Variants in PCDHGB6 observed in about 807,000 individuals in gnomAD.
PCDHGB6 encodes protocadherin gamma-B6.
In PCDHGB6, 51 loss-of-function variants were observed where a neutral mutation model predicts 59.1. That is an observed-to-expected ratio of 0.86 (90% CI 0.69 to 1.09). PCDHGB6 has a LOEUF of 1.09. PCDHGB6 is among the 50% of genes least tolerant of loss of function. The probability of loss-of-function intolerance (pLI) is 0.00; values close to 1 mark genes in which losing one functional copy is unlikely to be tolerated. For synonymous variants in PCDHGB6, 466 were observed against 495.1 expected, an observed-to-expected ratio of 0.94 and a Z score of 0.78; for missense variants, 1,148 against 1,205.1, an observed-to-expected ratio of 0.95 and a Z score of 0.70.
At chr5:141,478,322 C>G (rs1360535508) in intron 1 of PCDHGB6, 28 of 1,613,976 alleles carry the variant, frequency 1.7e-5, no homozygotes, top group Non-Finnish European at 2.3e-5. Context: ...CTCACTGTAC[C>G]GAACACCAGG....
intron 1 of PCDHGB6, among the ~76,000 whole-genome samples, chr5:141,494,135 GTCAC>G (rs1365926534): frequency 3.3e-5 from 5 of 152,202 alleles, no homozygotes; most frequent in Admixed American, 6.5e-5. Flanking sequence ...CTTCTCCTTA[GTCAC>G]AGACCATTGT....
At position 141,409,734 on chromosome 5, in the gene PCDHGB6, G is replaced by C. The variant is rs1278458472; in HGVS notation, c.1532G>C (p.Ser511Thr). The C allele has an allele frequency of 1.2e-6, 2 of 1,613,144 alleles. No homozygotes were observed. Among genetic ancestry groups the C allele is most frequent in the Admixed American group, 3.3e-5 (2 of 60,020 alleles). The part of the protein sequence containing the change: ...VSSYVSVSAQ[S>T]GVVFAQRAFD... The stretch of plus-strand genomic sequence containing the variant: ...TCATACGTGTCAGTGAGCGCGCAGA[G>C]CGGGGTGGTGTTCGCGCAGCGCGCC... The change falls in exon 1 of 4, where the codon AGC (serine) becomes ACC (threonine). Residue 511 changes from serine to threonine, a missense_variant. This residue lies in a region of PCDHGB6 where 549 missense variants were observed against 527.5 expected (regional missense o/e 1.04). Transcript: ENST00000520790.
In PCDHGB6 at chr5:141,476,875, C is replaced by T; in HGVS notation, c.2419-17932C>T. On this transcript the variant is annotated intron_variant, in intron 1 of 3. Coordinates refer to ENST00000520790, the MANE Select transcript of PCDHGB6 (RefSeq NM_018926.3). The surrounding 1 kb of genome is among the most constrained non-coding windows in gnomAD (Gnocchi z 7.6). ...ACCAGTCCTTGTACCGGGCGCGCGT[C>T]CTGGAGGATGCACCCTCCGGCACGC... 2 of 1,613,928 alleles carry T rather than the reference C, an allele frequency of 1.2e-6. No homozygotes were observed. Among genetic ancestry groups the T allele is most frequent in the Non-Finnish European group, 1.7e-6 (2 of 1,180,044 alleles).
At chr5:141,488,189 T>G (rs574621860) in intron 1 of PCDHGB6, among the ~76,000 whole-genome samples, 2 of 152,316 alleles carry the variant, frequency 1.3e-5, no homozygotes, top group Non-Finnish European at 2.9e-5. Context: ...TCTTTTGGTC[T>G]GGGTCTTAGG....
In PCDHGB6 at chr5:141,489,180, CTGGGTCTACCT is replaced by C. The variant is rs906371381; in HGVS notation, c.2419-5623_2419-5613del. 6.3e-5 allele frequency: 79 copies of C among 1,259,748 alleles called. No individual in the cohort carries two copies. The African/African-American group carries it at 9.3e-4, about 15-fold the overall frequency. 78.0% of individuals were successfully genotyped at this position (1,259,748 alleles called of 1,614,324 possible). ...GACTTCAGCTGCTGCATTCCAAGCCCTGGGTCTACCTTGGAGACAGGACAGCACAGACTTAC... is the reference window on the plus strand; with the variant it reads ...GACTTCAGCTGCTGCATTCCAAGCCCTGGAGACAGGACAGCACAGACTTAC... On this transcript the variant is annotated intron_variant, in intron 1 of 3. Coordinates refer to ENST00000520790, the MANE Select transcript of PCDHGB6 (RefSeq NM_018926.3). This position sits in a 1 kb window ranked among gnomAD's most constrained non-coding sequence, Gnocchi z 4.5.
At chr5:141,501,016 G>A (rs1042009106) in intron 2 of PCDHGB6, among the ~76,000 whole-genome samples, 7 of 151,716 alleles carry the variant, frequency 4.6e-5, no homozygotes, top group Non-Finnish European at 1.0e-4. Context: ...CTACAGGCAC[G>A]CGCCACCACG....
At chr5:141,508,244 C>A (rs1278674173) in intron 3 of PCDHGB6, 1 of 152,314 alleles carries the variant, frequency 6.6e-6, no homozygotes, top group Non-Finnish European at 1.5e-5. Context: ...CTAAGTCTGC[C>A]TCTCCTGGGA....
chr5:141,422,556 G>T, intron 1 of PCDHGB6: 1 of 1,613,908 alleles, frequency 6.2e-7, no homozygotes, highest in South Asian at 1.1e-5. Context: ...GGCTGAATGT[G>T]GCAGATGACA....
Position 141,477,598 on chromosome 5 carries a change from C to A in PCDHGB6, c.2419-17209C>A. The A allele has an allele frequency of 6.2e-7, 1 of 1,614,180 alleles. No homozygotes were observed. The highest frequency in any genetic ancestry group is 8.5e-7 in the Non-Finnish European group (1 of 1,180,030). ...CCCCGCAGAATGCTCGGCTTTCTTT[C>A]TTTCTCTTGGAGCAAGGAGCTGAAA... On this transcript the variant is annotated intron_variant, in intron 1 of 3. Transcript: ENST00000520790. This position sits in a 1 kb window ranked among gnomAD's most constrained non-coding sequence, Gnocchi z 4.9.
At chr5:141,479,685 G>A (rs749895405) in intron 1 of PCDHGB6, 3 of 152,248 alleles carry the variant, frequency 2.0e-5, no homozygotes, top group Non-Finnish European at 4.4e-5. Flanking sequence ...AGTCTTTTTG[G>A]TGCCTCCAGT....
At chr5:141,497,540 C>T (rs866982821) in intron 2 of PCDHGB6, among the ~76,000 whole-genome samples, 5 of 134,944 alleles carry the variant, frequency 3.7e-5, no homozygotes, top group African/African-American at 1.1e-4. Context: ...TGCAACAAAC[C>T]TTTTTTTTTT....
At chr5:141,427,946 T>A (rs769401863) in intron 1 of PCDHGB6, 1 of 1,586,550 alleles carries the variant, frequency 6.3e-7, no homozygotes, top group Middle Eastern at 1.7e-4. Flanking sequence ...GCGACCTCAA[T>A]GACAATGTGC....
intron 1 of PCDHGB6, chr5:141,421,617 C>A (rs781622911): frequency 6.2e-7 from 1 of 1,613,768 alleles, no homozygotes; most frequent in South Asian, 1.1e-5. Flanking sequence ...TTAATGATAA[C>A]GCCCCCAGCT....
chr5:141,440,918 A>C (rs2154559108), intron 1 of PCDHGB6: 1 of 152,384 alleles, frequency 6.6e-6, no homozygotes, highest in Admixed American at 6.5e-5. Context: ...TCCTGTGCTG[A>C]GAGTGAGGGC....
intron 1 of PCDHGB6, chr5:141,421,999 TC>T: frequency 9.9e-6 from 16 of 1,609,214 alleles, no homozygotes; most frequent in Non-Finnish European, 1.4e-5. Context: ...AAACATCAGC[TC>T]CGGAACTCGG....
At position 141,490,646 on chromosome 5, in the gene PCDHGB6, C is replaced by G. The variant is rs202183643; in HGVS notation, c.2419-4161C>G. The G allele has an allele frequency of 8.7e-6, 14 of 1,614,068 alleles. No homozygotes were observed. In the African/African-American group the frequency reaches 1.7e-4, roughly 20 times the overall value. ...GCTTACATCCTAGAAAACCGGCCTC[C>G]GGGCTCCCTTCTTTGCACTGTGGCT... On this transcript the variant is annotated intron_variant, in intron 1 of 3. Coordinates refer to ENST00000520790, the MANE Select transcript of PCDHGB6 (RefSeq NM_018926.3). This position sits in a 1 kb window ranked among gnomAD's most constrained non-coding sequence, Gnocchi z 5.4.
chr5:141,482,041 T>C (rs1443886481), intron 1 of PCDHGB6, among the ~76,000 whole-genome samples: 2 of 150,190 alleles, frequency 1.3e-5, no homozygotes, highest in Non-Finnish European at 2.9e-5. Context: ...GCCAAGATCA[T>C]GCTGTTGCAT....
chr5:141,457,902 G>A (rs1219261409), intron 1 of PCDHGB6, among the ~76,000 whole-genome samples: 1 of 150,854 alleles, frequency 6.6e-6, no homozygotes, highest in Non-Finnish European at 1.5e-5. Flanking sequence ...GTGTAGACAA[G>A]GTGTGAGGCC....
chr5:141,484,924 T>C (rs1453592037), intron 1 of PCDHGB6: 7 of 484,872 alleles, frequency 1.4e-5, no homozygotes, highest in Non-Finnish European at 2.2e-5. Context: ...ACCCTGCTGC[T>C]GTTGGGACGT....
Sources: allele counts gnomAD v4.1 joint callset (sites outside exome capture counted in the v4.1 genomes callset), GRCh38; gene constraint gnomAD v4.1.1; regional missense constraint gnomAD v4.1.1; non-coding constraint Gnocchi (gnomAD v3.1); transcripts MANE v1.5; gene names NCBI Gene and HGNC (gene_info 2026-07-23, HGNC 2026-07-21).